The following TYW1 variants were observed in gnomAD, a reference collection of about 807,000 sequenced individuals.
The protein encoded by TYW1 is S-adenosyl-L-methionine-dependent tRNA 4-demethylwyosine synthase TYW1.
In TYW1, 46 loss-of-function variants were observed where a neutral mutation model predicts 96.2. That is an observed-to-expected ratio of 0.48 (90% CI 0.38 to 0.61). The LOEUF (loss-of-function observed/expected upper bound fraction) is 0.61, where lower values mean the gene tolerates loss of function less well. Among genes scored for constraint, TYW1 ranks in the 20% least tolerant of loss-of-function variants. The pLI is 0.00. For missense variants in TYW1, 684 were observed against 909.6 expected (o/e 0.75, Z 3.19); for synonymous variants, 274 against 323.0 (o/e 0.85, Z 1.63).
chr7:67,120,356 T>G (rs1797726011), intron 13 of TYW1, among the ~76,000 whole-genome samples: 1 of 152,318 alleles, frequency 6.6e-6, no homozygotes. Flanking sequence ...GTGCTGGGAT[T>G]ACAGGTGTGA....
At chr7:67,105,599 G>T (rs899610735) in intron 12 of TYW1, among the ~76,000 whole-genome samples, 3 of 152,162 alleles carry the variant, frequency 2.0e-5, no homozygotes, top group Non-Finnish European at 4.4e-5. Flanking sequence ...AAGCCCTGTG[G>T]TTTTCAGTTT....
intron 13 of TYW1, among the ~76,000 whole-genome samples, chr7:67,144,505 T>C (rs1798544604): frequency 1.3e-5 from 2 of 152,120 alleles, no homozygotes; most frequent in African/African-American, 2.4e-5. Flanking sequence ...GGAGTCTTGC[T>C]CTGTCACCCA....
At chr7:67,200,666 G>T (rs1313629684) in intron 15 of TYW1, among the ~76,000 whole-genome samples, 2 of 152,130 alleles carry the variant, frequency 1.3e-5, no homozygotes, top group East Asian at 3.9e-4. Flanking sequence ...TCAAGAATGG[G>T]CTAACAGAAA....
At chr7:67,011,124 A>G (rs1197819596) in intron 4 of TYW1, among the ~76,000 whole-genome samples, 1 of 152,054 alleles carries the variant, frequency 6.6e-6, no homozygotes, top group Non-Finnish European at 1.5e-5. Flanking sequence ...TGCAACCTCC[A>G]ACTCCAGGGT....
rs1447534270 is a variant in TYW1 at position 67,160,651 on chromosome 7, A to T, written c.1699-22475A>T. On this transcript the variant is annotated intron_variant, in intron 13 of 15. Transcript: ENST00000359626. The stretch of plus-strand genomic sequence containing the variant: ...CTGTTGGCCAGGCTGGAGTGCAGTG[A>T]TGCGATTTCGGCTCACTACCACCTC... 3.3e-5 allele frequency among the ~76,000 whole-genome samples: 5 copies of T among 149,358 alleles called. No individual in the cohort carries two copies. In the South Asian group the frequency reaches 1.1e-3, roughly 32 times the overall value.
intron 13 of TYW1, among the ~76,000 whole-genome samples, chr7:67,173,026 C>T (rs1195083278): frequency 6.6e-6 from 1 of 152,196 alleles, no homozygotes; most frequent in African/African-American, 2.4e-5. Flanking sequence ...CAGAGTGAAA[C>T]CCTGTCTCAA....
At position 67,145,204 on chromosome 7, in the gene TYW1, A is replaced by G. The variant is rs1798572416; in HGVS notation, c.1698+27586A>G. ...CGCTCTCTCTCCCAGTCTGGAGTGC[A>G]GTGGCATGATCTTGGCTCACTGCAA... On this transcript the variant is annotated intron_variant, in intron 13 of 15. Coordinates refer to ENST00000359626, the MANE Select transcript of TYW1 (RefSeq NM_018264.4). 3.6e-5 allele frequency among the ~76,000 whole-genome samples: 5 copies of G among 137,932 alleles called. No homozygotes were observed. In the South Asian group the frequency reaches 1.2e-3, roughly 33 times the overall value. 90.5% of individuals were successfully genotyped at this position (137,932 alleles called of 152,430 possible).
intron 9 of TYW1, among the ~76,000 whole-genome samples, chr7:67,065,428 C>T (rs796516564): frequency 5.5e-4 from 84 of 152,300 alleles, no homozygotes; most frequent in African/African-American, 1.9e-3. Flanking sequence ...TACAGTTCTT[C>T]AGCTTTGTTT....
intron 13 of TYW1, among the ~76,000 whole-genome samples, chr7:67,155,856 A>T (rs1798954023): frequency 6.6e-6 from 1 of 151,500 alleles, no homozygotes; most frequent in Non-Finnish European, 1.5e-5. Flanking sequence ...AATTTTATGG[A>T]TTAGCTTTCA....
chr7:67,095,928 G>A (rs954157562), intron 11 of TYW1, among the ~76,000 whole-genome samples: 14 of 152,074 alleles, frequency 9.2e-5, no homozygotes, highest in African/African-American at 2.9e-4. Context: ...GACTGGGATC[G>A]AATCAGTTTC....
At chr7:67,063,242 C>T in intron 9 of TYW1, among the ~76,000 whole-genome samples, 2 of 152,096 alleles carry the variant, frequency 1.3e-5, no homozygotes, top group Non-Finnish European at 2.9e-5. Flanking sequence ...AGAGTCTAAC[C>T]CTTCATCATT....
intron 14 of TYW1, among the ~76,000 whole-genome samples, chr7:67,190,076 CA>C (rs1323573271): frequency 6.6e-6 from 1 of 151,892 alleles, no homozygotes; most frequent in Non-Finnish European, 1.5e-5. Flanking sequence ...TATTTGTTGT[CA>C]AATGACTTAA....
intron 11 of TYW1, among the ~76,000 whole-genome samples, chr7:67,091,732 A>T (rs759919340): frequency 1.6e-4 from 25 of 152,078 alleles, no homozygotes; most frequent in Non-Finnish European, 3.2e-4. Context: ...TATGAAGGAG[A>T]GAACCAAGGT....
intron 15 of TYW1, among the ~76,000 whole-genome samples, chr7:67,210,997 C>G (rs1305999445): frequency 1.3e-5 from 2 of 151,046 alleles, no homozygotes; most frequent in Non-Finnish European, 1.5e-5. Context: ...GTCTATGTGT[C>G]TATATCAGTG....
In TYW1 at chr7:66,998,875, G is replaced by C; in HGVS notation, c.194G>C (p.Gly65Ala). ...GCAGCTCAGGATTTGATGACAAATG[G>C]TTATGTCTCCCTTCAAGAGAAAGAC... ...PKAAQDLMTN[G>A]YVSLQEKDIF... Residue 65 changes from glycine (G) to alanine (A), a missense_variant, in exon 3 of 16, where the codon GGT becomes GCT. Transcript: ENST00000359626. The C allele has an allele frequency of 1.9e-6, 3 of 1,614,134 alleles. No homozygotes were observed. Among genetic ancestry groups the C allele is most frequent in the Non-Finnish European group, 2.5e-6 (3 of 1,180,004 alleles).
intron 12 of TYW1, among the ~76,000 whole-genome samples, chr7:67,114,992 G>C (rs1644039092): frequency 6.6e-6 from 1 of 152,062 alleles, no homozygotes; most frequent in South Asian, 2.1e-4. Flanking sequence ...CTTGAGTGTA[G>C]CATCTCAGAC....
chr7:67,131,812 A>G lies in TYW1; in HGVS notation c.1698+14194A>G, dbSNP rs569133489. ...AAGGCCTGAGAGCCCCTGGCAAACC[A>G]CTGGTGTAAGTCCAAGAGTCCAAAA... is the stretch of plus-strand genomic sequence containing the variant. On this transcript the variant is annotated intron_variant, in intron 13 of 15. Coordinates refer to ENST00000359626, the MANE Select transcript of TYW1 (RefSeq NM_018264.4). 7.2e-4 allele frequency among the ~76,000 whole-genome samples: 109 copies of G among 152,314 alleles called. 1 individual carries two copies. The highest frequency in any genetic ancestry group is 2.4e-3 in the African/African-American group (99 of 41,568).
At chr7:67,173,259 C>G (rs1002142660) in intron 13 of TYW1, among the ~76,000 whole-genome samples, 1 of 152,068 alleles carries the variant, frequency 6.6e-6, no homozygotes, top group African/African-American at 2.4e-5. Context: ...AATGTGATTG[C>G]TCCAATCCTG....
intron 12 of TYW1, among the ~76,000 whole-genome samples, chr7:67,113,286 G>A (rs1267675553): frequency 6.6e-6 from 1 of 152,022 alleles, no homozygotes; most frequent in Non-Finnish European, 1.5e-5. Flanking sequence ...TAAGGGCTGA[G>A]CCTCTTGGCC....
Sources: gnomAD v4.1 joint callset for allele counts (sites outside exome capture counted in the v4.1 genomes callset) on GRCh38, gnomAD v4.1.1 for gene constraint, MANE v1.5 for transcripts, NCBI Gene and HGNC (gene_info 2026-07-23, HGNC 2026-07-21) for gene names.